The following TTLL5 variants were observed in gnomAD, a reference collection of about 807,000 sequenced individuals.
The protein encoded by TTLL5 is tubulin polyglutamylase TTLL5.
Under a neutral mutation model 168.4 loss-of-function variants are expected in TTLL5, and 132 were observed. That is an observed-to-expected ratio of 0.78 (90% CI 0.68 to 0.91). TTLL5 has a LOEUF of 0.91. Ranked by LOEUF, TTLL5 falls within the 40% of genes least tolerant of loss-of-function variation. TTLL5 has a pLI of 0.00. For missense variants in TTLL5, 1,545 were observed against 1,581.5 expected (o/e 0.98, Z 0.39); for synonymous variants, 546 against 558.6 (o/e 0.98, Z 0.32).
chr14:75,743,707 G>A (rs1350355873), intron 15 of TTLL5, among the ~76,000 whole-genome samples: 2 of 145,278 alleles, frequency 1.4e-5, no homozygotes, highest in Middle Eastern at 3.8e-3. Context: ...TCAGCCTCCC[G>A]AGTAGCTGGG....
intron 15 of TTLL5, 55 bp from the exon 16 acceptor site, chr14:75,745,040 G>A (rs1889518898): frequency 7.3e-7 from 1 of 1,370,788 alleles, no homozygotes; most frequent in African/African-American, 1.5e-5. Context: ...AGGGTAATGA[G>A]GAGTAATGAA....
intron 6 of TTLL5, among the ~76,000 whole-genome samples, chr14:75,693,585 A>G (rs1487396565): frequency 2.0e-5 from 3 of 152,228 alleles, no homozygotes; most frequent in Non-Finnish European, 4.4e-5. Context: ...CAGTTACAGT[A>G]TTTAGTAGAA....
intron 16 of TTLL5, 94 bp downstream of exon 16, chr14:75,745,302 T>A: frequency 7.6e-7 from 1 of 1,307,826 alleles, no homozygotes; most frequent in Non-Finnish European, 1.1e-6. Flanking sequence ...AACTCATGTC[T>A]TACATTGAAA....
Position 75,954,701 on chromosome 14 carries a change from AC to A in TTLL5, c.*259del. 1 of 555,174 alleles carries A rather than the reference AC, an allele frequency of 1.8e-6. No individual in the cohort carries two copies. Among genetic ancestry groups the A allele is most frequent in the South Asian group, 2.5e-5 (1 of 40,260 alleles). The allele number at this position is 555,174 out of a possible 1,614,324, so 34.4% of individuals were successfully genotyped here. On this transcript the variant is annotated 3_prime_UTR_variant, in exon 32 of 32. Coordinates refer to ENST00000298832, the MANE Select transcript of TTLL5 (RefSeq NM_015072.5). ...GGGACATTCAGCTGATGCATTATAT[AC>A]CCCGTCAGAGCACACTTGTATCTTT...
At chr14:75,837,574 A>G (rs1455394646) in intron 28 of TTLL5, among the ~76,000 whole-genome samples, 2 of 152,030 alleles carry the variant, frequency 1.3e-5, no homozygotes, top group Non-Finnish European at 2.9e-5. Flanking sequence ...CTGAAACTCT[A>G]TACTCATTAA....
At chr14:75,716,470 T>C (rs1887469753) in intron 9 of TTLL5, among the ~76,000 whole-genome samples, 1 of 152,176 alleles carries the variant, frequency 6.6e-6, no homozygotes, top group African/African-American at 2.4e-5. Context: ...AGTGGGTGGA[T>C]GAGAAGAAAC....
chr14:75,859,836 A>G (rs1897314888), intron 28 of TTLL5, among the ~76,000 whole-genome samples: 1 of 152,190 alleles, frequency 6.6e-6, no homozygotes, highest in Non-Finnish European at 1.5e-5. Flanking sequence ...CCGCTGTGTC[A>G]ATCATTATAG....
Position 75,954,535 on chromosome 14 carries a change from A to C in TTLL5, c.*89A>C. The C allele has an allele frequency of 6.7e-7, 1 of 1,499,770 alleles. No homozygotes were observed. The highest frequency in any genetic ancestry group is 1.4e-5 in the African/African-American group (1 of 71,850). 92.9% of individuals were successfully genotyped at this position (1,499,770 alleles called of 1,614,324 possible). A position where few individuals can be genotyped will look rare whatever the true frequency, so the allele number is the denominator to read the frequency against. ...TCCACCAGCACTTCAAGGGGTCCAT[A>C]GTATTTTTTTTTTTGCTGCCTCAAA... On this transcript the variant is annotated 3_prime_UTR_variant, in exon 32 of 32. Coordinates refer to ENST00000298832, the MANE Select transcript of TTLL5 (RefSeq NM_015072.5).
At chr14:75,809,944 A>AT (rs934894251) in intron 27 of TTLL5, among the ~76,000 whole-genome samples, 2 of 152,008 alleles carry the variant, frequency 1.3e-5, no homozygotes, top group Non-Finnish European at 2.9e-5. Flanking sequence ...TATATGTCAC[A>AT]TTTTTTTTAA....
At chr14:75,809,482 A>G (rs868783535) in intron 27 of TTLL5, among the ~76,000 whole-genome samples, 17 of 152,272 alleles carry the variant, frequency 1.1e-4, no homozygotes, top group Middle Eastern at 3.4e-3. Context: ...GGTACATATG[A>G]TGTTTAGATA....
intron 31 of TTLL5, among the ~76,000 whole-genome samples, chr14:75,921,012 A>C (rs577578762): frequency 6.6e-6 from 1 of 152,330 alleles, no homozygotes; most frequent in East Asian, 1.9e-4. Flanking sequence ...TGTTGGCTAC[A>C]TAAATGTCTT....
chr14:75,855,285 T>C (rs1475443896), intron 28 of TTLL5, among the ~76,000 whole-genome samples: 2 of 152,340 alleles, frequency 1.3e-5, no homozygotes, highest in East Asian at 3.9e-4. Flanking sequence ...TTTCCAGTTC[T>C]GGCTAAGTCT....
chr14:75,851,760 A>G (rs2360038), intron 28 of TTLL5, among the ~76,000 whole-genome samples: 39 of 152,264 alleles, frequency 2.6e-4, no homozygotes, highest in Non-Finnish European at 4.1e-4. Context: ...TTTGGATCCA[A>G]TAGTTTGGCT....
intron 28 of TTLL5, among the ~76,000 whole-genome samples, chr14:75,857,591 T>C (rs79827782): frequency 0.014 from 2,206 of 152,164 alleles, 18 homozygotes; most frequent in South Asian, 0.026. Flanking sequence ...CTGCTCTTTT[T>C]TGGAAGAGTT....
chr14:75,743,473 A>G (rs752506406), intron 15 of TTLL5, among the ~76,000 whole-genome samples: 1 of 150,544 alleles, frequency 6.6e-6, no homozygotes, highest in African/African-American at 2.5e-5. Context: ...CTGTTGGCTT[A>G]TAGGTCTCCA....
intron 30 of TTLL5, among the ~76,000 whole-genome samples, chr14:75,898,394 C>T (rs2032769500): frequency 6.6e-6 from 1 of 152,170 alleles, no homozygotes; most frequent in Non-Finnish European, 1.5e-5. Flanking sequence ...ATAGTCCCCG[C>T]ACTTTGGGAG....
chr14:75,773,923 T>TAGAGAG (rs1250809385), intron 21 of TTLL5, among the ~76,000 whole-genome samples: 401 of 27,632 alleles, frequency 0.015, no homozygotes, highest in Non-Finnish European at 0.018. Context: ...TATATATATA[T>TAGAGAG]ATATAGAGAG....
chr14:75,677,992 C>G (rs1042816140), intron 3 of TTLL5, among the ~76,000 whole-genome samples: 8 of 151,976 alleles, frequency 5.3e-5, no homozygotes, highest in Non-Finnish European at 5.9e-5. Context: ...TTCTCACACA[C>G]CTTACTGATC....
At chr14:75,719,472 A>G (rs541799910) in intron 10 of TTLL5, among the ~76,000 whole-genome samples, 5 of 152,226 alleles carry the variant, frequency 3.3e-5, no homozygotes, top group Admixed American at 2.0e-4. Context: ...TTGATGCATA[A>G]TTGTTTGGTT....
Sources: gnomAD v4.1 joint callset for allele counts (sites outside exome capture counted in the v4.1 genomes callset) on GRCh38, gnomAD v4.1.1 for gene constraint, MANE v1.5 for transcripts, NCBI Gene and HGNC (gene_info 2026-07-23, HGNC 2026-07-21) for gene names.